ANKRD12: variants seen among roughly 807,000 people sequenced by gnomAD.
ANKRD12 encodes the protein ankyrin repeat domain 12, also known as ankyrin repeat domain-containing protein 12.
ANKRD12 carries 85 observed loss-of-function variants against 183.4 expected under a neutral mutation model. The ratio of observed to expected loss-of-function variants is 0.46; its 90% CI spans 0.39 to 0.56. The LOEUF (loss-of-function observed/expected upper bound fraction) is 0.56. Ranked by LOEUF, ANKRD12 falls within the 20% of genes least tolerant of loss-of-function variation. The pLI is 0.00. For synonymous variants in ANKRD12, 914 were observed against 800.2 expected, an observed-to-expected ratio of 1.14 and a Z score of -2.40; for missense variants, 2,405 against 2,357.1, an observed-to-expected ratio of 1.02 and a Z score of -0.42.
chr18:9,171,593 A>T (rs1349607045), intron 1 of ANKRD12, among the ~76,000 whole-genome samples: 1 of 152,036 alleles, frequency 6.6e-6, no homozygotes, highest in Non-Finnish European at 1.5e-5. Flanking sequence ...TTCCATATTT[A>T]GTGCTTCTTT....
intron 1 of ANKRD12, among the ~76,000 whole-genome samples, chr18:9,179,149 G>T (rs1415114541): frequency 6.6e-6 from 1 of 152,100 alleles, no homozygotes; most frequent in Non-Finnish European, 1.5e-5. Context: ...CTATACACAT[G>T]TATTAGTTCT....
chr18:9,178,097 CAG>C (rs560422357), intron 1 of ANKRD12, among the ~76,000 whole-genome samples: 59 of 152,324 alleles, frequency 3.9e-4, no homozygotes, highest in African/African-American at 1.4e-3. Context: ...AACACCTTAA[CAG>C]GGTAATTTAA....
intron 9 of ANKRD12, chr18:9,260,315 T>C (rs2038890360): frequency 6.6e-6 from 1 of 152,110 alleles, no homozygotes; most frequent in South Asian, 2.1e-4. Flanking sequence ...GAGGCCAAGG[T>C]GGAAAGACCA....
chr18:9,183,248 G>A (rs572604395), intron 2 of ANKRD12, among the ~76,000 whole-genome samples: 1 of 152,168 alleles, frequency 6.6e-6, no homozygotes, highest in African/African-American at 2.4e-5. Flanking sequence ...ATAAATTTTA[G>A]GATCAGCTTG....
intron 3 of ANKRD12, 43 bp from the exon 4 acceptor site, chr18:9,204,433 C>T: frequency 7.2e-7 from 1 of 1,388,954 alleles, no homozygotes; most frequent in Non-Finnish European, 1.0e-6. Context: ...GCATTTCCCT[C>T]CGTGTGCTTT....
intron 2 of ANKRD12, among the ~76,000 whole-genome samples, chr18:9,188,511 T>G (rs942954992): frequency 7.2e-5 from 11 of 152,208 alleles, no homozygotes; most frequent in Non-Finnish European, 1.5e-4. Context: ...AACACAGCTG[T>G]AATGGCACCA....
chr18:9,280,896 A>C (rs750277216), intron 12 of ANKRD12, 45 bp from the exon 13 acceptor site: 1 of 1,574,196 alleles, frequency 6.4e-7, no homozygotes, highest in Non-Finnish European at 8.6e-7. Flanking sequence ...TAAACAAAGC[A>C]AAGTTAACAG....
intron 1 of ANKRD12, among the ~76,000 whole-genome samples, chr18:9,148,193 A>G (rs1336457496): frequency 6.6e-6 from 1 of 152,198 alleles, no homozygotes; most frequent in African/African-American, 2.4e-5. Flanking sequence ...CCAGAAGGTC[A>G]GTAAACTCAG....
At chr18:9,162,625 C>T (rs890505793) in intron 1 of ANKRD12, among the ~76,000 whole-genome samples, 7 of 152,162 alleles carry the variant, frequency 4.6e-5, no homozygotes, top group African/African-American at 9.7e-5. Context: ...GGAATCGCCA[C>T]GCTGTCTTCC....
chr18:9,191,919 T>A (rs988062248), intron 2 of ANKRD12, among the ~76,000 whole-genome samples: 1 of 152,170 alleles, frequency 6.6e-6, no homozygotes, highest in African/African-American at 2.4e-5. Context: ...TTATTCAAGG[T>A]AGCCAATCCC....
chr18:9,137,494 G>T (rs995038622), intron 1 of ANKRD12: 3 of 146,330 alleles, frequency 2.1e-5, no homozygotes, highest in Non-Finnish European at 4.6e-5. Context: ...GGGGGCGGGG[G>T]CGCGCCCGGC....
chr18:9,256,673 A>G lies in ANKRD12; in HGVS notation c.3406A>G (p.Lys1136Glu), dbSNP rs751460669. 12 of 1,606,470 alleles carry G rather than the reference A, an allele frequency of 7.5e-6. No homozygotes were observed. The South Asian group carries it at 7.9e-5, about 11-fold the overall frequency. Residue 1136 changes from lysine to glutamate, a missense_variant, in exon 9 of 13, where the codon AAA becomes GAA. Physicochemically the swap from Lys to Glu is moderately conservative, Grantham distance 56 (BLOSUM62 1). Transcript: ENST00000262126. ...TKHTPTESKNKELTRSKSSEV... is the reference protein window; with the variant it reads ...TKHTPTESKNEELTRSKSSEV... ...GCATACACCAACTGAATCCAAAAAT[A>G]AAGAACTTACTAGGTCAAAGAGTTC...
chr18:9,255,740 C>T lies in ANKRD12; in HGVS notation c.2473C>T (p.Arg825Ter). 1.9e-6 allele frequency: 3 copies of T among 1,585,448 alleles called. No individual in the cohort carries two copies. The highest frequency in any genetic ancestry group is 1.4e-5 in the African/African-American group (1 of 72,712). Residue 825 changes from arginine (R) to a stop codon, truncating the protein, a stop_gained, in exon 9 of 13, where the codon CGA becomes TGA. Coordinates refer to ENST00000262126, the MANE Select transcript of ANKRD12 (RefSeq NM_015208.5). LOFTEE classifies it high-confidence loss of function. ...GGAAAGTAAAGAAAAACCTGAGAAG[C>T]GATCTCAAATTAAAGAAAAGGACAT... ...IKESKEKPEK[R>*]SQIKEKDIEK...
At chr18:9,212,443 C>T (rs930664119) in intron 6 of ANKRD12, among the ~76,000 whole-genome samples, 2 of 142,506 alleles carry the variant, frequency 1.4e-5, no homozygotes, top group African/African-American at 2.6e-5. Context: ...ATCTGTAGTT[C>T]TGCAACCTGC....
chr18:9,240,001 G>A (rs1447600267), intron 8 of ANKRD12, among the ~76,000 whole-genome samples: 1 of 152,166 alleles, frequency 6.6e-6, no homozygotes, highest in Non-Finnish European at 1.5e-5. Flanking sequence ...ATGTCTGTCA[G>A]TACATTGCTT....
rs1444619357 is a variant in ANKRD12 at position 9,143,849 on chromosome 18, T to C, written c.-52+6884T>C. Among the ~76,000 whole-genome samples, 7 of 152,158 alleles carry C rather than the reference T, an allele frequency of 4.6e-5. No homozygotes were observed. The South Asian group carries it at 8.3e-4, about 18-fold the overall frequency. On this transcript the variant is annotated intron_variant, in intron 1 of 12. Transcript: ENST00000262126. ...TGTGTTTCTATTTGTCCTCATGTTA[T>C]TGAAAGTAAGCAAGAATGGTTGACA...
intron 8 of ANKRD12, 50 bp from the exon 9 acceptor site, chr18:9,254,161 G>T: frequency 1.4e-6 from 2 of 1,429,180 alleles, no homozygotes; most frequent in South Asian, 1.8e-5. Context: ...TATTTTTCTG[G>T]CAGTTGTGTT....
Position 9,254,976 on chromosome 18 carries a change from G to A in ANKRD12, c.1709G>A (p.Gly570Glu). 6.2e-7 allele frequency: 1 copy of A among 1,607,288 alleles called. No homozygotes were observed. The highest frequency in any genetic ancestry group is 8.5e-7 in the Non-Finnish European group (1 of 1,177,400). The change falls in exon 9 of 13, where the codon GGA becomes GAA. Residue 570 changes from glycine (G) to glutamate (E), a missense_variant. Around this residue, in one of 7 missense-constraint regions of ANKRD12, gnomAD observed 1,983 missense variants for 1,725.9 expected, o/e 1.15. Transcript: ENST00000262126. ...QEHTKTCLSPGSSEMSLQPDL... is the reference protein window; with the variant it reads ...QEHTKTCLSPESSEMSLQPDL... ...CATACTAAAACATGTTTATCACCAG[G>A]AAGTTCTGAAATGTCATTACAGCCT...
intron 11 of ANKRD12, among the ~76,000 whole-genome samples, chr18:9,277,325 T>C (rs987107082): frequency 2.5e-4 from 36 of 143,440 alleles, no homozygotes; most frequent in African/African-American, 8.1e-4. Context: ...CTGTTTCTTT[T>C]TTTTTTTTTT....
Sources: allele counts gnomAD v4.1 joint callset (sites outside exome capture counted in the v4.1 genomes callset), GRCh38; gene constraint gnomAD v4.1.1; regional missense constraint gnomAD v4.1.1; transcripts MANE v1.5; gene names NCBI Gene and HGNC (gene_info 2026-07-23, HGNC 2026-07-21).